The following AUTS2 variants were observed in gnomAD, a reference collection of about 807,000 sequenced individuals.
The protein encoded by AUTS2 is autism susceptibility gene 2 protein.
A neutral mutation model predicts 112.4 loss-of-function variants in AUTS2; 17 were observed. That is an observed-to-expected ratio of 0.15 (90% CI 0.10 to 0.23). AUTS2 has a LOEUF of 0.23. AUTS2 is among the 10% of genes least tolerant of loss of function. The probability of loss-of-function intolerance (pLI) is 1.00; values close to 1 mark genes in which losing one functional copy is unlikely to be tolerated. For missense variants in AUTS2, 1,510 were observed against 1,701.6 expected, an observed-to-expected ratio of 0.89 and a Z score of 1.98; for synonymous variants, 751 against 702.7, an observed-to-expected ratio of 1.07 and a Z score of -1.09.
chr7:70,409,918 A>G (rs1794701658), intron 4 of AUTS2, among the ~76,000 whole-genome samples: 1 of 152,130 alleles, frequency 6.6e-6, no homozygotes, highest in Non-Finnish European at 1.5e-5. Flanking sequence ...GATGCAGGCA[A>G]CTCAGGGACC....
At chr7:69,627,502 C>A (rs1463031836) in intron 1 of AUTS2, among the ~76,000 whole-genome samples, 1 of 150,996 alleles carries the variant, frequency 6.6e-6, no homozygotes, top group African/African-American at 2.4e-5. Flanking sequence ...AAAAAAACCC[C>A]AAAAAAACAA....
chr7:70,302,822 T>C (rs1383500115), intron 4 of AUTS2, among the ~76,000 whole-genome samples: 1 of 151,908 alleles, frequency 6.6e-6, no homozygotes, highest in African/African-American at 2.4e-5. Context: ...TAAGCACTTC[T>C]CATCATGTCC....
intron 6 of AUTS2, among the ~76,000 whole-genome samples, chr7:70,752,918 A>G (rs1158281069): frequency 9.2e-5 from 14 of 152,178 alleles, no homozygotes. Flanking sequence ...GGCCAAAGCC[A>G]TGATTCAGAG....
intron 5 of AUTS2, among the ~76,000 whole-genome samples, chr7:70,667,085 C>T (rs764558109): frequency 6.6e-5 from 10 of 151,834 alleles, no homozygotes; most frequent in African/African-American, 1.5e-4. Flanking sequence ...CAGTGTTGTT[C>T]GGCAAGCATT....
intron 2 of AUTS2, among the ~76,000 whole-genome samples, chr7:69,957,567 T>A (rs1584491999): frequency 1.3e-5 from 2 of 152,198 alleles, no homozygotes; most frequent in East Asian, 3.9e-4. Context: ...TGCCTTATAG[T>A]TACATATATA....
At chr7:70,221,819 A>G (rs4718936) in intron 4 of AUTS2, among the ~76,000 whole-genome samples, 152,111 of 152,328 alleles carry the variant, frequency 1, 75,947 homozygotes, top group Non-Finnish European at 1. Context: ...CCTGGGAGGC[A>G]GGGATTGCAG....
intron 1 of AUTS2, among the ~76,000 whole-genome samples, chr7:69,724,187 G>A (rs967022340): frequency 7.9e-5 from 12 of 152,152 alleles, no homozygotes; most frequent in Non-Finnish European, 1.2e-4. Context: ...CCCATGGGGC[G>A]AGTCACATTT....
intron 5 of AUTS2, among the ~76,000 whole-genome samples, chr7:70,664,387 G>T (rs910440945): frequency 6.6e-6 from 1 of 152,164 alleles, no homozygotes; most frequent in Non-Finnish European, 1.5e-5. Context: ...TGTTGAACTT[G>T]TAAAGTGATG....
chr7:70,639,037 A>T (rs960886545), intron 5 of AUTS2, among the ~76,000 whole-genome samples: 1 of 152,188 alleles, frequency 6.6e-6, no homozygotes, highest in Non-Finnish European at 1.5e-5. Flanking sequence ...TCATTAAGCC[A>T]TCTTAGCCCT....
At chr7:70,761,224 T>A (rs561040771) in intron 6 of AUTS2, among the ~76,000 whole-genome samples, 1 of 152,318 alleles carries the variant, frequency 6.6e-6, no homozygotes, top group East Asian at 1.9e-4. Flanking sequence ...GGAGGATCAC[T>A]TGAGCCCAGG....
chr7:69,853,911 A>G (rs1792602163), intron 1 of AUTS2, among the ~76,000 whole-genome samples: 1 of 152,196 alleles, frequency 6.6e-6, no homozygotes, highest in African/African-American at 2.4e-5. Context: ...TTCAACATTT[A>G]AATTCTATTT....
chr7:69,779,323 G>A (rs1465596135), intron 1 of AUTS2, among the ~76,000 whole-genome samples: 1 of 152,180 alleles, frequency 6.6e-6, no homozygotes, highest in African/African-American at 2.4e-5. Context: ...AATTGGAAAG[G>A]TTATCTTTTC....
intron 5 of AUTS2, among the ~76,000 whole-genome samples, chr7:70,554,074 T>TC (rs1801139002): frequency 6.8e-6 from 1 of 147,952 alleles, no homozygotes; most frequent in African/African-American, 2.5e-5. Flanking sequence ...CTGGCCTTTT[T>TC]TTTTTTTTTT....
intron 5 of AUTS2, among the ~76,000 whole-genome samples, chr7:70,561,430 G>C (rs923564050): frequency 2.0e-5 from 3 of 152,186 alleles, no homozygotes; most frequent in African/African-American, 7.2e-5. Context: ...CTTGAGGCCA[G>C]TCTGGGCAGC....
intron 2 of AUTS2, among the ~76,000 whole-genome samples, chr7:69,940,390 G>T (rs1451526340): frequency 6.6e-6 from 1 of 152,182 alleles, no homozygotes; most frequent in East Asian, 1.9e-4. Context: ...GTGCTCTCTA[G>T]GTGAGGGCTC....
At position 70,368,032 on chromosome 7, in the gene AUTS2, T is replaced by G. The variant is rs574889030; in HGVS notation, c.661-67720T>G. Among the ~76,000 whole-genome samples the G allele has an allele frequency of 2.0e-5, 3 of 152,222 alleles. No homozygotes were observed. In the East Asian group the frequency reaches 5.8e-4, roughly 29 times the overall value. ...TGTGTGTATGAGAGTGAGTTGAATATGTATATAGGCTAGGGATACCTGTAT... is the reference window on the plus strand; with the variant it reads ...TGTGTGTATGAGAGTGAGTTGAATAGGTATATAGGCTAGGGATACCTGTAT... On this transcript the variant is annotated intron_variant, in intron 4 of 18. Coordinates refer to ENST00000342771, the MANE Select transcript of AUTS2 (RefSeq NM_015570.4).
At chr7:69,861,852 G>A (rs957814073) in intron 1 of AUTS2, among the ~76,000 whole-genome samples, 5 of 152,132 alleles carry the variant, frequency 3.3e-5, no homozygotes, top group East Asian at 1.9e-4. Context: ...CCTTTTTCCC[G>A]TCTCAGAAGA....
chr7:70,118,267 AT>A, intron 3 of AUTS2, 34 bp downstream of exon 3: 10 of 1,468,140 alleles, frequency 6.8e-6, no homozygotes, highest in South Asian at 2.7e-5. Flanking sequence ...AAAAAAAAAA[AT>A]TAACGAAAAC....
chr7:70,575,489 C>A (rs1464703046), intron 5 of AUTS2, among the ~76,000 whole-genome samples: 4 of 152,168 alleles, frequency 2.6e-5, no homozygotes, highest in Non-Finnish European at 5.9e-5. Context: ...GGTTAGCTAG[C>A]TAATGGGAAT....
Sources: gnomAD v4.1 joint callset for allele counts (sites outside exome capture counted in the v4.1 genomes callset) on GRCh38, gnomAD v4.1.1 for gene constraint, MANE v1.5 for transcripts, NCBI Gene and HGNC (gene_info 2026-07-23, HGNC 2026-07-21) for gene names.